The following RNGTT variants were observed in gnomAD, a reference collection of about 807,000 sequenced individuals.
RNGTT encodes the protein mRNA-capping enzyme.
Under a neutral mutation model 79.3 loss-of-function variants are expected in RNGTT, and 33 were observed. That is an observed-to-expected ratio of 0.42 (90% CI 0.32 to 0.56). The LOEUF (loss-of-function observed/expected upper bound fraction) is 0.56, where lower values mean the gene tolerates loss of function less well. RNGTT is among the 20% of genes least tolerant of loss of function. The pLI is 0.17. For missense variants in RNGTT, 497 were observed against 739.1 expected, an observed-to-expected ratio of 0.67 and a Z score of 3.80; for synonymous variants, 222 against 235.9, an observed-to-expected ratio of 0.94 and a Z score of 0.54.
intron 11 of RNGTT, among the ~76,000 whole-genome samples, chr6:88,826,828 A>G (rs867667578): frequency 0.023 from 3,040 of 129,438 alleles, 53 homozygotes; most frequent in African/African-American, 0.044. Flanking sequence ...GTGTGTGTAT[A>G]TATATATATA....
At chr6:88,754,577 C>T (rs907245030) in intron 13 of RNGTT, among the ~76,000 whole-genome samples, 15 of 152,308 alleles carry the variant, frequency 9.8e-5, no homozygotes, top group African/African-American at 3.6e-4. Flanking sequence ...TGGGAACAGG[C>T]ACCCAAATCT....
intron 4 of RNGTT, among the ~76,000 whole-genome samples, chr6:88,916,616 A>G (rs1784007921): frequency 6.6e-6 from 1 of 152,214 alleles, no homozygotes; most frequent in South Asian, 2.1e-4. Context: ...CATAATCCAA[A>G]TATTTGTGTT....
At chr6:88,940,054 G>A (rs1784797254) in intron 2 of RNGTT, among the ~76,000 whole-genome samples, 1 of 149,014 alleles carries the variant, frequency 6.7e-6, no homozygotes, top group African/African-American at 2.5e-5. Context: ...CACCATCCCA[G>A]CCCCAGTTTT....
intron 1 of RNGTT, among the ~76,000 whole-genome samples, chr6:88,945,112 G>A (rs527481062): frequency 6.6e-6 from 1 of 152,274 alleles, no homozygotes; most frequent in South Asian, 2.1e-4. Flanking sequence ...AGGTCAGCTG[G>A]CCATTCTCAA....
chr6:88,920,231 C>T (rs920237259), intron 4 of RNGTT, among the ~76,000 whole-genome samples: 1 of 152,090 alleles, frequency 6.6e-6, no homozygotes, highest in Non-Finnish European at 1.5e-5. Context: ...CAAAATCCTC[C>T]GATGCTCAGT....
intron 13 of RNGTT, among the ~76,000 whole-genome samples, chr6:88,715,309 TA>T (rs1776470398): frequency 6.6e-6 from 1 of 151,940 alleles, no homozygotes; most frequent in Non-Finnish European, 1.5e-5. Context: ...CTCAATGAAA[TA>T]AAAGAGGATA....
intron 8 of RNGTT, among the ~76,000 whole-genome samples, chr6:88,878,223 G>A (rs1385171597): frequency 6.6e-6 from 1 of 151,862 alleles, no homozygotes; most frequent in East Asian, 1.9e-4. Context: ...AGCCTCCCAG[G>A]TAGCTAGGAT....
chr6:88,900,408 A>G (rs1047778372), intron 6 of RNGTT, among the ~76,000 whole-genome samples: 1 of 152,226 alleles, frequency 6.6e-6, no homozygotes, highest in South Asian at 2.1e-4. Flanking sequence ...GCTTAGACAA[A>G]GCTTAATGAG....
At chr6:88,787,299 A>C (rs1391826774) in intron 12 of RNGTT, among the ~76,000 whole-genome samples, 1 of 152,200 alleles carries the variant, frequency 6.6e-6, no homozygotes, top group Non-Finnish European at 1.5e-5. Flanking sequence ...GTTTCCTGAG[A>C]AATGTTGGTT....
At chr6:88,851,974 T>A (rs1188833226) in intron 9 of RNGTT, among the ~76,000 whole-genome samples, 1 of 152,048 alleles carries the variant, frequency 6.6e-6, no homozygotes, top group Non-Finnish European at 1.5e-5. Flanking sequence ...TTTTTAAGCA[T>A]TATTTCCTAC....
In RNGTT at chr6:88,907,112, AAAAG is replaced by A. The variant is rs1386120830; in HGVS notation, c.368-676_368-673del. 4.6e-5 allele frequency among the ~76,000 whole-genome samples: 7 copies of A among 152,376 alleles called. No individual in the cohort carries two copies. The East Asian group carries it at 1.3e-3, about 29-fold the overall frequency. ...TTATAATCTTTCTAAATAAATTTTT[AAAAG>A]AAAGAAACCAGCTAGGAAAGAAAAT... On this transcript the variant is annotated intron_variant, in intron 4 of 15. Transcript: ENST00000369485.
At chr6:88,775,684 C>T (rs1297190886) in intron 12 of RNGTT, among the ~76,000 whole-genome samples, 1 of 152,044 alleles carries the variant, frequency 6.6e-6, no homozygotes, top group Non-Finnish European at 1.5e-5. Flanking sequence ...TTGTTTCTCC[C>T]CCATTTAAAA....
At chr6:88,929,985 T>G (rs1168924095) in intron 2 of RNGTT, among the ~76,000 whole-genome samples, 1 of 148,008 alleles carries the variant, frequency 6.8e-6, no homozygotes, top group Non-Finnish European at 1.5e-5. Context: ...CATATGTGCA[T>G]ATACATGTAT....
chr6:88,848,303 T>C (rs1411213617), intron 10 of RNGTT, among the ~76,000 whole-genome samples: 1 of 152,036 alleles, frequency 6.6e-6, no homozygotes, highest in African/African-American at 2.4e-5. Context: ...ATCTCCATGA[T>C]ACACTAATGA....
intron 14 of RNGTT, among the ~76,000 whole-genome samples, chr6:88,616,477 C>G (rs185843243): frequency 9.3e-4 from 141 of 152,150 alleles, no homozygotes; most frequent in African/African-American, 3.3e-3. Context: ...TGCAAGGGTT[C>G]CAATGTCACA....
chr6:88,647,091 C>T (rs6919725), intron 14 of RNGTT, among the ~76,000 whole-genome samples: 40,401 of 151,500 alleles, frequency 0.27, 9,431 homozygotes, highest in African/African-American at 0.63. Flanking sequence ...ACCATTGAGG[C>T]CGGGGACCAT....
At chr6:88,702,928 C>T (rs1775994736) in intron 13 of RNGTT, among the ~76,000 whole-genome samples, 1 of 152,060 alleles carries the variant, frequency 6.6e-6, no homozygotes, top group Non-Finnish European at 1.5e-5. Context: ...GACACATAAA[C>T]AGCCAACAAA....
intron 14 of RNGTT, among the ~76,000 whole-genome samples, chr6:88,672,883 T>A (rs991291957): frequency 2.6e-5 from 4 of 151,896 alleles, no homozygotes; most frequent in African/African-American, 9.7e-5. Flanking sequence ...AATGGAAGAG[T>A]GTGTGTGTGT....
At chr6:88,727,312 A>C (rs1319539562) in intron 13 of RNGTT, among the ~76,000 whole-genome samples, 1 of 152,230 alleles carries the variant, frequency 6.6e-6, no homozygotes, top group Non-Finnish European at 1.5e-5. Context: ...ATTTTTACAT[A>C]CATTAAAAGG....
Sources: gnomAD v4.1 joint callset for allele counts (sites outside exome capture counted in the v4.1 genomes callset) on GRCh38, gnomAD v4.1.1 for gene constraint, MANE v1.5 for transcripts, NCBI Gene and HGNC (gene_info 2026-07-23, HGNC 2026-07-21) for gene names.